The following APOL4 variants were observed in gnomAD, a reference collection of about 807,000 sequenced individuals.
APOL4 encodes the protein apolipoprotein L4, also known as apolipoprotein L, 4.
Under a neutral mutation model 12.1 loss-of-function variants are expected in APOL4, and 14 were observed. The ratio of observed to expected loss-of-function variants is 1.16; its 90% CI spans 0.76 to 1.81. The LOEUF is 1.81. Ranked by LOEUF, APOL4 falls within the 40% of genes most tolerant of loss-of-function variation. APOL4 has a pLI of 0.00. For synonymous variants in APOL4, 171 were observed against 160.6 expected (o/e 1.06, Z -0.49); for missense variants, 432 against 423.1 (o/e 1.02, Z -0.18).
chr22:36,198,582 G>T (rs899897783), intron 2 of APOL4, among the ~76,000 whole-genome samples: 1 of 152,192 alleles, frequency 6.6e-6, no homozygotes, highest in Non-Finnish European at 1.5e-5. Context: ...CACAGCTCGG[G>T]AAGGGGGTGG....
At chr22:36,194,544 G>T (rs1401325074) in intron 3 of APOL4, among the ~76,000 whole-genome samples, 1 of 152,102 alleles carries the variant, frequency 6.6e-6, no homozygotes, top group African/African-American at 2.4e-5. Flanking sequence ...ATGCTATTTG[G>T]TTCCCCACCT....
rs768195971 is a variant in APOL4 at position 36,191,842 on chromosome 22, T to A, written c.280A>T (p.Met94Leu). ...TPYVAIEDKD[M>L]QQKEQQFREW... is the part of the protein sequence containing the mutation. ...CTAAACTGCTGTTCTTTTTGCTGCA[T>A]GTCTTTGTCCTCAATAGCCACATAT... The change falls in exon 4 of 4, where the codon ATG (methionine) becomes TTG (leucine). Residue 94 changes from methionine to leucine, a missense_variant. Met to Leu is a conservative substitution (Grantham distance 15, BLOSUM62 2). Coordinates refer to ENST00000683024, the MANE Select transcript of APOL4 (RefSeq NM_001386885.1). 1.9e-6 allele frequency: 3 copies of A among 1,613,560 alleles called. No homozygotes were observed. The highest frequency in any genetic ancestry group is 2.5e-6 in the Non-Finnish European group (3 of 1,179,994).
intron 3 of APOL4, among the ~76,000 whole-genome samples, chr22:36,194,698 C>T (rs903606383): frequency 3.9e-5 from 6 of 152,172 alleles, no homozygotes; most frequent in Non-Finnish European, 8.8e-5. Flanking sequence ...GGATCCACCC[C>T]AGCTCTGTCC....
At chr22:36,202,890 C>T (rs775024787), upstream of APOL4, among the ~76,000 whole-genome samples, 1 of 152,146 alleles carries the variant, frequency 6.6e-6, no homozygotes, top group African/African-American at 2.4e-5. Flanking sequence ...TCGCACAGCT[C>T]TTGGAGAGCA....
intron 3 of APOL4, chr22:36,194,981 T>G (rs1033377306): frequency 1.1e-4 from 22 of 199,808 alleles, no homozygotes; most frequent in Non-Finnish European, 1.9e-4. Flanking sequence ...GCTAAATACT[T>G]TACATGCATT....
rs6000171 is a variant in APOL4 at position 36,191,032 on chromosome 22, A to G, written c.*43T>C. The G allele has an allele frequency of 0.015, 23,026 of 1,506,114 alleles. 904 individuals carry two copies. Among genetic ancestry groups the G allele is most frequent in the African/African-American group, 0.15 (10,572 of 71,790 alleles). The allele number at this position is 1,506,114 out of a possible 1,614,324, so 93.3% of individuals were successfully genotyped here. On this transcript the variant is annotated 3_prime_UTR_variant, in exon 4 of 4. Coordinates refer to ENST00000683024, the MANE Select transcript of APOL4 (RefSeq NM_001386885.1). Reference sequence around the variant, plus strand: ...ACGTTCTTCTGCCATGGCTTCAGCCAGTCCCTCCGTTTGGGGTCCCTGACT... The same window carrying G: ...ACGTTCTTCTGCCATGGCTTCAGCCGGTCCCTCCGTTTGGGGTCCCTGACT...
In APOL4 at chr22:36,189,778, T is replaced by G. The variant is rs1158132092; in HGVS notation, c.*1297A>C. ...TCTCCAGTCCCCTCTCCTCCCTTAT[T>G]CCAGGCCCCAGCATTTCTGCCTTCT... On this transcript the variant is annotated 3_prime_UTR_variant, in exon 4 of 4. Coordinates refer to ENST00000683024, the MANE Select transcript of APOL4 (RefSeq NM_001386885.1). 1.3e-5 allele frequency: 2 copies of G among 152,868 alleles called. No individual in the cohort carries two copies. Among genetic ancestry groups the G allele is most frequent in the Non-Finnish European group, 2.9e-5 (2 of 68,228 alleles). 9.5% of individuals were successfully genotyped at this position (152,868 alleles called of 1,614,324 possible). A position where few individuals can be genotyped will look rare whatever the true frequency, so the allele number is the denominator to read the frequency against.
At chr22:36,195,882 C>T (rs1288374373) in intron 2 of APOL4, among the ~76,000 whole-genome samples, 2 of 152,018 alleles carry the variant, frequency 1.3e-5, no homozygotes, top group East Asian at 3.9e-4. Flanking sequence ...GCAGAGCCCT[C>T]CCCAGACATC....
intron 3 of APOL4, among the ~76,000 whole-genome samples, chr22:36,194,897 T>C (rs2014359940): frequency 6.6e-6 from 1 of 152,246 alleles, no homozygotes; most frequent in South Asian, 2.1e-4. Flanking sequence ...AAAAGACTTT[T>C]GGCCCTGGTC....
At chr22:36,192,680 C>A (rs1406608417) in intron 3 of APOL4, among the ~76,000 whole-genome samples, 2 of 152,140 alleles carry the variant, frequency 1.3e-5, no homozygotes, top group East Asian at 3.9e-4. Context: ...TCTCTGGGGC[C>A]CTGGAATGTC....
rs1170554734 is a variant in APOL4 at position 36,191,706 on chromosome 22, A to G, written c.416T>C (p.Ile139Thr). The change falls in exon 4 of 4, where the codon ATC becomes ACC. Residue 139 changes from isoleucine to threonine, a missense_variant. Coordinates refer to ENST00000683024, the MANE Select transcript of APOL4 (RefSeq NM_001386885.1). ...AGTGGAGCCAGACACCACATTGGCG[A>G]TGACGCAGCCTCTGTGGACCTTTTC... is the stretch of plus-strand genomic sequence containing the variant. The part of the protein sequence containing the change: ...EIEKVHRGCV[I>T]ANVVSGSTGI... 3 of 1,614,072 alleles carry G rather than the reference A, an allele frequency of 1.9e-6. No individual in the cohort carries two copies. In the South Asian group the frequency reaches 3.3e-5, roughly 18 times the overall value.
At chr22:36,195,776 TCACACACACACACACACACACA>T (rs577893547) in intron 2 of APOL4, among the ~76,000 whole-genome samples, 1 of 96,986 alleles carries the variant, frequency 1.0e-5, no homozygotes, top group African/African-American at 3.5e-5. Flanking sequence ...TCTCTCTCTC[TCACACACACACACACACACACA>T]CACACACACA....
Position 36,190,896 on chromosome 22 carries a change from C to A in APOL4, c.*179G>T. ...TATTGATTGGGGAAGTGATCAGTGT[C>A]CATGAAATCTTCACAATTTGTGTTT... On this transcript the variant is annotated 3_prime_UTR_variant, in exon 4 of 4. Coordinates refer to ENST00000683024, the MANE Select transcript of APOL4 (RefSeq NM_001386885.1). The A allele has an allele frequency of 3.2e-6, 2 of 615,554 alleles. No homozygotes were observed. Among genetic ancestry groups the A allele is most frequent in the East Asian group, 2.8e-5 (1 of 35,384 alleles). 38.1% of individuals were successfully genotyped at this position (615,554 alleles called of 1,614,324 possible). A position where few individuals can be genotyped will look rare whatever the true frequency, so the allele number is the denominator to read the frequency against.
upstream of APOL4, among the ~76,000 whole-genome samples, chr22:36,203,379 G>A (rs971322939): frequency 1.3e-5 from 2 of 152,206 alleles, no homozygotes; most frequent in African/African-American, 4.8e-5. Flanking sequence ...AGGTGGGATG[G>A]TCACATGGGG....
intron 2 of APOL4, among the ~76,000 whole-genome samples, chr22:36,195,704 G>A (rs1011699735): frequency 5.3e-5 from 8 of 150,124 alleles, no homozygotes; most frequent in African/African-American, 2.0e-4. Context: ...TACTCCTATA[G>A]GACTGGTGTC....
chr22:36,195,330 G>T lies in APOL4; in HGVS notation c.190C>A (p.Arg64Ser), dbSNP rs776004587. 60 of 1,613,796 alleles carry T rather than the reference G, an allele frequency of 3.7e-5. No individual in the cohort carries two copies. Among genetic ancestry groups the T allele is most frequent in the East Asian group, 1.6e-4 (7 of 44,882 alleles). The part of the protein sequence containing the change: ...TSDEAWKRFV[R>S]VAELPREEAD... ...GGTTACCTGGGCAATTCAGCCACAC[G>T]CACAAATCTCTTCCAGGCTTCATCG... The change falls in exon 3 of 4, where the codon CGT becomes AGT. Residue 64 changes from arginine (R) to serine (S), a missense_variant. Arg to Ser is a moderately radical substitution (Grantham distance 110). Transcript: ENST00000683024.
intron 1 of APOL4, among the ~76,000 whole-genome samples, chr22:36,200,705 T>G (rs2014545627): frequency 6.6e-6 from 1 of 152,230 alleles, no homozygotes; most frequent in Non-Finnish European, 1.5e-5. Context: ...CTCAAAATGT[T>G]TTATACCTAG....
At chr22:36,201,813 A>G, upstream of APOL4, 1 of 1,573,940 alleles carries the variant, frequency 6.4e-7, no homozygotes, top group Non-Finnish European at 8.6e-7. Context: ...ACTGACTGTT[A>G]GCCTCAACTA....
At position 36,189,372 on chromosome 22, in the gene APOL4, G is replaced by T. The variant is rs1253020894; in HGVS notation, c.*1703C>A. 6.6e-6 allele frequency: 1 copy of T among 152,108 alleles called. No homozygotes were observed. Among genetic ancestry groups the T allele is most frequent in the Non-Finnish European group, 1.5e-5 (1 of 68,056 alleles). The allele number at this position is 152,108 out of a possible 1,614,324, so 9.4% of individuals were successfully genotyped here. A position where few individuals can be genotyped will look rare whatever the true frequency, so the allele number is the denominator to read the frequency against. On this transcript the variant is annotated 3_prime_UTR_variant, in exon 4 of 4. Coordinates refer to ENST00000683024, the MANE Select transcript of APOL4 (RefSeq NM_001386885.1). ...AAATGGCTCATTACCCGGCCTTCAG[G>T]GTTCAAGCAGGGGACATGCACCCTT...
Sources: allele counts gnomAD v4.1 joint callset (sites outside exome capture counted in the v4.1 genomes callset), GRCh38; gene constraint gnomAD v4.1.1; transcripts MANE v1.5; gene names NCBI Gene and HGNC (gene_info 2026-07-23, HGNC 2026-07-21).